Variants in FAT1 observed in about 807,000 individuals in gnomAD.
FAT1 encodes the protein protocadherin Fat 1.
In FAT1, 171 loss-of-function variants were observed where a neutral mutation model predicts 329.8. The observed-to-expected ratio is 0.52, with a 90% CI of 0.46 to 0.59. FAT1 has a LOEUF of 0.59. Among genes scored for constraint, FAT1 ranks in the 20% least tolerant of loss-of-function variants. FAT1 has a pLI of 0.00. For missense variants in FAT1, 5,672 were observed against 5,774.4 expected (o/e 0.98, Z 0.57); for synonymous variants, 2,233 against 2,228.6 (o/e 1.00, Z -0.06).
intron 26 of FAT1, among the ~76,000 whole-genome samples, chr4:186,593,087 C>A (rs1212855169): frequency 1.3e-5 from 2 of 152,200 alleles, no homozygotes; most frequent in African/African-American, 2.4e-5. Context: ...TAACATCTTA[C>A]AGGCAAGACT....
Position 186,596,516 on chromosome 4 carries a change from G to C in FAT1, c.13000+24C>G, listed in dbSNP as rs1171851821. 6 of 1,597,972 alleles carry C rather than the reference G, an allele frequency of 3.8e-6. No individual in the cohort carries two copies. In the African/African-American group the frequency reaches 8.1e-5, roughly 22 times the overall value. On this transcript the variant is annotated intron_variant, in intron 25 of 26. Coordinates refer to ENST00000441802, the MANE Select transcript of FAT1 (RefSeq NM_005245.4). The surrounding 1 kb of genome is among the most constrained non-coding windows in gnomAD (Gnocchi z 4.7). Reference sequence around the variant, plus strand: ...ACTGTTTATCTCAAGTGACACTTTAGTGAGATGAAAAAGTGGCTCTTACTG... The same window carrying C: ...ACTGTTTATCTCAAGTGACACTTTACTGAGATGAAAAAGTGGCTCTTACTG...
chr4:186,670,096 T>G (rs1742663659), intron 2 of FAT1, among the ~76,000 whole-genome samples: 1 of 152,102 alleles, frequency 6.6e-6, no homozygotes, highest in South Asian at 2.1e-4. Flanking sequence ...AGAACACCTT[T>G]CCTCCTAGAA....
chr4:186,643,384 C>A (rs920355971), intron 3 of FAT1, among the ~76,000 whole-genome samples: 1 of 152,144 alleles, frequency 6.6e-6, no homozygotes, highest in African/African-American at 2.4e-5. Flanking sequence ...CAACAACAAA[C>A]TTTCTTTCTA....
rs76495604 is a variant in FAT1 at position 186,681,482 on chromosome 4, G to C, written c.3266-17869C>G. On this transcript the variant is annotated intron_variant, in intron 2 of 26. Transcript: ENST00000441802. The stretch of plus-strand genomic sequence containing the variant: ...AACTGGCTACTAACAGAAATCACAC[G>C]ATGATGGAAGCGGTGTTCGGAAGAG... Among the ~76,000 whole-genome samples the C allele has an allele frequency of 2.0e-5, 3 of 152,248 alleles. No individual in the cohort carries two copies. In the East Asian group the frequency reaches 5.8e-4, roughly 29 times the overall value.
rs182013493 is a variant in FAT1, at chr4:186,634,483, C to T, written c.4184-660G>A. On this transcript the variant is annotated intron_variant, in intron 6 of 26. Transcript: ENST00000441802. ...GGTTTAATGTCATGATGAAATTCTA[C>T]TACTAAATCTAACCAAGAAACAAAA... Among the ~76,000 whole-genome samples the T allele has an allele frequency of 1.2e-3, 183 of 152,108 alleles. 3 individuals carry two copies. In the East Asian group the frequency reaches 0.025, roughly 21 times the overall value.
rs772322719 is a variant in FAT1, at chr4:186,603,281, C to A, written c.11245G>T (p.Asp3749Tyr). The stretch of plus-strand genomic sequence containing the variant: ...CTTTCATCCACAGACACCTTTTCAT[C>A]GCAGAACTTCCAGGGGCAGTCCAGT... The part of the protein sequence containing the change: ...AGLDCPWKFC[D>Y]EKVSVDESVM... The change falls in exon 19 of 27, where the codon GAT (aspartate) becomes TAT (tyrosine). Residue 3749 changes from aspartate (D) to tyrosine (Y), a missense_variant. Asp to Tyr is a radical substitution (Grantham distance 160). This residue lies in a region of FAT1 where 1,706 missense variants were observed against 1,859.1 expected (regional missense o/e 0.92). Coordinates refer to ENST00000441802, the MANE Select transcript of FAT1 (RefSeq NM_005245.4). 6.2e-7 allele frequency: 1 copy of A among 1,613,914 alleles called. No homozygotes were observed. The highest frequency in any genetic ancestry group is 8.5e-7 in the Non-Finnish European group (1 of 1,179,862).
At position 186,601,353 on chromosome 4, in the gene FAT1, C is replaced by T; in HGVS notation, c.11556G>A (p.Glu3852=). 6.2e-7 allele frequency: 1 copy of T among 1,613,410 alleles called. No individual in the cohort carries two copies. Among genetic ancestry groups the T allele is most frequent in the Non-Finnish European group, 8.5e-7 (1 of 1,179,424 alleles). The stretch of plus-strand genomic sequence containing the variant: ...TTCTGAGCCTCATGGTCAGTTTCAT[C>T]TCTAATTTGTTTTCATTTTCCGTCA... The part of the protein sequence containing the change: ...YRLTENENKL[E]MKLTMRLRTY... The change falls in exon 21 of 27, where the codon GAG becomes GAA. Residue 3852 remains glutamate (E), a synonymous_variant. Transcript: ENST00000441802.
chr4:186,610,691 T>G lies in FAT1; in HGVS notation c.9854-676A>C. Among the ~76,000 whole-genome samples, 2 of 65,392 alleles carry G rather than the reference T, an allele frequency of 3.1e-5. 1 individual carries two copies. Among genetic ancestry groups the G allele is most frequent in the Non-Finnish European group, 5.4e-5 (2 of 37,202 alleles). The allele number at this position is 65,392 out of a possible 152,430, so 42.9% of individuals were successfully genotyped here. ...ATAATTTATATAAATATAAATTATA[T>G]AATTTATATAAATATAAATTTATAT... On this transcript the variant is annotated intron_variant, in intron 14 of 26. Coordinates refer to ENST00000441802, the MANE Select transcript of FAT1 (RefSeq NM_005245.4).
chr4:186,640,066 G>A (rs578131911), intron 3 of FAT1, among the ~76,000 whole-genome samples: 187 of 152,176 alleles, frequency 1.2e-3, no homozygotes, highest in Admixed American at 2.7e-3. Flanking sequence ...CCTGGGAGGT[G>A]GAGGTTGCAG....
intron 2 of FAT1, among the ~76,000 whole-genome samples, chr4:186,695,575 T>C (rs763015408): frequency 1.7e-4 from 26 of 152,140 alleles, no homozygotes; most frequent in Non-Finnish European, 3.5e-4. Context: ...TTACAATCTA[T>C]TTCCATTTTA....
rs73028943 is a variant in FAT1 at position 186,599,740 on chromosome 4, C to T, written c.12103+158G>A. 0.016 allele frequency among the ~76,000 whole-genome samples: 2,460 copies of T among 152,256 alleles called. 39 individuals are homozygous for T. Among genetic ancestry groups the T allele is most frequent in the East Asian group, 0.044 (226 of 5,158 alleles). On this transcript the variant is annotated intron_variant, in intron 22 of 26. Transcript: ENST00000441802. ...CAGAAGGGCAGCAGACCCAGCTCTG[C>T]CCCCGTATGAGGGATGCTGCTCGCT...
chr4:186,653,958 A>C (rs571512347), intron 3 of FAT1, among the ~76,000 whole-genome samples: 17 of 152,324 alleles, frequency 1.1e-4, no homozygotes, highest in African/African-American at 3.4e-4. Flanking sequence ...GTCTGATGGC[A>C]CCATAGGAAT....
Position 186,609,284 on chromosome 4 carries a change from G to A in FAT1, c.10105C>T (p.His3369Tyr). 1 of 1,613,982 alleles carries A rather than the reference G, an allele frequency of 6.2e-7. No homozygotes were observed. Among genetic ancestry groups the A allele is most frequent in the East Asian group, 2.2e-5 (1 of 44,886 alleles). Reference protein sequence around the residue: ...ADDADGPSNSHIHYSIIDGNQ... With the variant: ...ADDADGPSNSYIHYSIIDGNQ... ...CCATCTATAATTGAGTAGTGGATGT[G>A]GCTGTTGGAAGGTCCATCGGCATCA... The change falls in exon 16 of 27, where the codon CAC (histidine) becomes TAC (tyrosine). Residue 3369 changes from histidine to tyrosine, a missense_variant. Coordinates refer to ENST00000441802, the MANE Select transcript of FAT1 (RefSeq NM_005245.4).
rs1383029928 is a variant in FAT1 at position 186,619,338 on chromosome 4, A to T, written c.7248T>A (p.Asp2416Glu). Residue 2416 changes from aspartate to glutamate, a missense_variant, in exon 10 of 27, where the codon GAT becomes GAA. By Grantham distance (45) the Asp-to-Glu change is conservative. This residue lies in a region of FAT1 where 3,966 missense variants were observed against 3,915.2 expected (regional missense o/e 1.01). Transcript: ENST00000441802. Reference sequence around the variant, plus strand: ...ACTTGTCTATGTCTGAACTGTCTGCATCATAGGCTTTTACACAGGTCACGA... The same window carrying T: ...ACTTGTCTATGTCTGAACTGTCTGCTTCATAGGCTTTTACACAGGTCACGA... ...GHFVTCVKAY[D>E]ADSSDIDKLQ... 6.2e-7 allele frequency: 1 copy of T among 1,614,046 alleles called. No individual in the cohort carries two copies.
intron 9 of FAT1, among the ~76,000 whole-genome samples, 173 bp from the exon 10 acceptor site, chr4:186,621,948 T>TA (rs1027708209): frequency 6.6e-6 from 1 of 152,204 alleles, no homozygotes; most frequent in Non-Finnish European, 1.5e-5. Flanking sequence ...TTTATCCACC[T>TA]AAAACCAGGT....
At chr4:186,601,868 T>C (rs1482030522) in intron 20 of FAT1, among the ~76,000 whole-genome samples, 1 of 152,124 alleles carries the variant, frequency 6.6e-6, no homozygotes, top group Non-Finnish European at 1.5e-5. Context: ...TAAATAACAA[T>C]TGAATTTCAA....
chr4:186,639,367 G>A (rs1740989399), intron 4 of FAT1, among the ~76,000 whole-genome samples: 1 of 151,956 alleles, frequency 6.6e-6, no homozygotes, highest in Non-Finnish European at 1.5e-5. Context: ...AATAGTAAGG[G>A]GAAAAAAAGA....
At chr4:186,650,127 C>G (rs1741566412) in intron 3 of FAT1, among the ~76,000 whole-genome samples, 3 of 152,112 alleles carry the variant, frequency 2.0e-5, no homozygotes, top group Non-Finnish European at 2.9e-5. Context: ...TGGGATGAAA[C>G]AAAATTCCCA....
intron 2 of FAT1, among the ~76,000 whole-genome samples, chr4:186,686,041 C>G (rs1192294212): frequency 6.6e-6 from 1 of 152,154 alleles, no homozygotes; most frequent in African/African-American, 2.4e-5. Flanking sequence ...GGGCAGTCAG[C>G]AAATAAAGGC....
Sources: gnomAD v4.1 joint callset for allele counts (sites outside exome capture counted in the v4.1 genomes callset) on GRCh38, gnomAD v4.1.1 for gene constraint, gnomAD v4.1.1 regional missense constraint, Gnocchi (gnomAD v3.1) non-coding constraint, MANE v1.5 for transcripts, NCBI Gene and HGNC (gene_info 2026-07-23, HGNC 2026-07-21) for gene names.